The following DGKZ variants were observed in gnomAD, a reference collection of about 807,000 sequenced individuals.
The protein encoded by DGKZ is diacylglycerol kinase zeta, also known as DAG kinase zeta.
DGKZ carries 45 observed loss-of-function variants against 142.5 expected under a neutral mutation model. The observed-to-expected ratio is 0.32, with a 90% CI of 0.25 to 0.40. DGKZ has a LOEUF of 0.40. DGKZ is among the 10% of genes least tolerant of loss of function. DGKZ has a pLI of 1.00. For synonymous variants in DGKZ, 442 were observed against 527.0 expected (o/e 0.84, Z 2.21); for missense variants, 755 against 1,306.5 (o/e 0.58, Z 6.51).
Position 46,379,467 on chromosome 11 carries a change from A to T in DGKZ, c.2587A>T (p.Ser863Cys), listed in dbSNP as rs1436435009. The T allele has an allele frequency of 6.2e-7, 1 of 1,608,548 alleles. No homozygotes were observed. Among genetic ancestry groups the T allele is most frequent in the African/African-American group, 1.3e-5 (1 of 74,834 alleles). Residue 863 changes from serine to cysteine, a missense_variant, in exon 30 of 31, where the codon AGC (serine) becomes TGC (cysteine). Ser to Cys is a moderately radical substitution (Grantham distance 112). Transcript: ENST00000527911. Reference sequence around the variant, plus strand: ...GTACACAGCCAGCCCCTGCTCCCCCAGCGGGGAGACCTGTTTGCACCAAGC... The same window carrying T: ...GTACACAGCCAGCCCCTGCTCCCCCTGCGGGGAGACCTGTTTGCACCAAGC...
chr11:46,352,488 C>T lies in DGKZ; in HGVS notation c.161+4668C>T, dbSNP rs539155766. 2.0e-5 allele frequency among the ~76,000 whole-genome samples: 3 copies of T among 152,348 alleles called. No individual in the cohort carries two copies. In the East Asian group the frequency reaches 5.8e-4, roughly 29 times the overall value. ...TGCCTCTAGCCTCCTGGCCCCACCC[C>T]TCCCGTCCCCTGAGGCCCAGGCCCA... On this transcript the variant is annotated intron_variant, in intron 1 of 30. Transcript: ENST00000527911.
chr11:46,371,457 C>T, intron 7 of DGKZ, 30 bp from the exon 8 acceptor site: 1 of 1,602,354 alleles, frequency 6.2e-7, no homozygotes, highest in Non-Finnish European at 8.5e-7. Context: ...GAACACGGTC[C>T]CGCTGAGCCC....
intron 30 of DGKZ, 41 bp from the exon 31 acceptor site, chr11:46,379,790 T>C: frequency 1.9e-6 from 3 of 1,562,378 alleles, no homozygotes; most frequent in Non-Finnish European, 2.6e-6. Context: ...GGGTTAGGCC[T>C]GCCTCTGGCC....
intron 14 of DGKZ, among the ~76,000 whole-genome samples, chr11:46,373,920 G>A (rs145205241): frequency 3.3e-4 from 50 of 152,390 alleles, no homozygotes; most frequent in Admixed American, 8.5e-4. Context: ...AGGAAGAAGT[G>A]TTAGGGGAGC....
rs1943423002 is a variant in DGKZ at position 46,367,325 on chromosome 11, G to A, written c.196G>A (p.Ala66Thr). ...CACCAAGTCGGGCCTCCAGCACCTG[G>A]CCCCCCCTCCGCCCACCCCTGGGGC... Residue 66 changes from alanine (A) to threonine (T), a missense_variant, in exon 2 of 31, where the codon GCC (alanine) becomes ACC (threonine). Ala to Thr is a moderately conservative substitution (Grantham distance 58). Coordinates refer to ENST00000527911, the Ensembl canonical transcript of DGKZ. This position sits in a 1 kb window ranked among gnomAD's most constrained non-coding sequence, Gnocchi z 4.1. 1 of 1,612,676 alleles carries A rather than the reference G, an allele frequency of 6.2e-7. No individual in the cohort carries two copies. The highest frequency in any genetic ancestry group is 8.5e-7 in the Non-Finnish European group (1 of 1,179,952).
exon 1 of DGKZ, chr11:46,333,162 C>T: frequency 1.0e-6 from 1 of 959,746 alleles, no homozygotes; most frequent in Non-Finnish European, 1.3e-6. Context: ...ACCTGCGGAA[C>T]CCGGCGCTCC....
intron 1 of DGKZ, chr11:46,366,199 T>C: frequency 2.0e-6 from 3 of 1,502,026 alleles, no homozygotes; most frequent in Non-Finnish European, 2.6e-6. Context: ...GGACAGACCG[T>C]GGCCTGATCC....
chr11:46,379,523 C>G lies in DGKZ; in HGVS notation c.2643C>G (p.His881Gln), dbSNP rs546302127. 75 of 1,611,698 alleles carry G rather than the reference C, an allele frequency of 4.7e-5. No individual in the cohort carries two copies. The South Asian group carries it at 7.6e-4, about 16-fold the overall frequency. The stretch of plus-strand genomic sequence containing the variant: ...CCCTGGGCCAGCGCACCATCTGCCA[C>G]TACATCGTGGAGGCCGGGGCCTCGC... The change falls in exon 30 of 31, where the codon CAC becomes CAG. Residue 881 changes from histidine to glutamine, a missense_variant. By Grantham distance (24) the His-to-Gln change is conservative. Coordinates refer to ENST00000527911, the Ensembl canonical transcript of DGKZ.
intron 1 of DGKZ, chr11:46,366,412 C>T (rs1245123994): frequency 6.5e-7 from 1 of 1,532,924 alleles, no homozygotes; most frequent in African/African-American, 1.4e-5. Context: ...GGCGCCGCTC[C>T]AGCGCCCAGC....
At chr11:46,336,140 T>C (rs1940001540) in intron 1 of DGKZ, among the ~76,000 whole-genome samples, 1 of 152,220 alleles carries the variant, frequency 6.6e-6, no homozygotes, top group Non-Finnish European at 1.5e-5. Context: ...TGGCTGCTTC[T>C]GACGTAAGTG....
Position 46,367,848 on chromosome 11 carries a change from TG to T in DGKZ, c.366+104del. On this transcript the variant is annotated intron_variant, in intron 3 of 30. Coordinates refer to ENST00000527911, the Ensembl canonical transcript of DGKZ. This position sits in a 1 kb window ranked among gnomAD's most constrained non-coding sequence, Gnocchi z 4.1. ...AGCCCGCTCCCTGGCACCCCTGCTGTGGGCCGCCCCAGGATGGTGAGGGGTG... is the reference window on the plus strand; with the variant it reads ...AGCCCGCTCCCTGGCACCCCTGCTGTGGCCGCCCCAGGATGGTGAGGGGTG... 1 of 1,540,846 alleles carries T rather than the reference TG, an allele frequency of 6.5e-7. No homozygotes were observed. Among genetic ancestry groups the T allele is most frequent in the Non-Finnish European group, 8.9e-7 (1 of 1,118,228 alleles).
chr11:46,338,415 G>C (rs775921435), intron 1 of DGKZ, among the ~76,000 whole-genome samples: 7 of 137,416 alleles, frequency 5.1e-5, no homozygotes, highest in African/African-American at 1.1e-4. Context: ...AGAATCGCTT[G>C]AACCCGGTAG....
chr11:46,369,056 A>G, intron 4 of DGKZ: 1 of 236,684 alleles, frequency 4.2e-6, no homozygotes, highest in South Asian at 4.7e-5. Flanking sequence ...AAAATCACAA[A>G]AATTAGCCAG....
chr11:46,344,603 G>A (rs1940453809), upstream of DGKZ, among the ~76,000 whole-genome samples: 1 of 151,758 alleles, frequency 6.6e-6, no homozygotes, highest in Non-Finnish European at 1.5e-5. Flanking sequence ...ACAGGCACCT[G>A]CCACCACGCC....
At chr11:46,358,404 C>A (rs1325460303) in intron 1 of DGKZ, among the ~76,000 whole-genome samples, 1 of 152,060 alleles carries the variant, frequency 6.6e-6, no homozygotes, top group Non-Finnish European at 1.5e-5. Flanking sequence ...GTAAGCTGTA[C>A]TAGATGCTTT....
At chr11:46,376,975 G>A (rs879471514) in intron 24 of DGKZ, 98 bp from the exon 25 acceptor site, 1 of 1,110,762 alleles carries the variant, frequency 9.0e-7, no homozygotes, top group Non-Finnish European at 1.3e-6. Context: ...TTCAGTGTTT[G>A]TGCTCATGGC....
intron 1 of DGKZ, chr11:46,366,387 C>A (rs754756470): frequency 2.0e-6 from 3 of 1,526,074 alleles, no homozygotes; most frequent in Non-Finnish European, 2.6e-6. Flanking sequence ...CAGGCCTCCT[C>A]CTCACTGGCA....
At position 46,367,952 on chromosome 11, in the gene DGKZ, C is replaced by CGA; in HGVS notation, c.367-47_367-46dup. The stretch of plus-strand genomic sequence containing the variant: ...CAGCTGTGCTGGGGCAGGCAGCCTC[C>CGA]GAGATAGACTTACCTGGTGCCTCAG... On this transcript the variant is annotated intron_variant, in intron 3 of 30. Coordinates refer to ENST00000527911, the Ensembl canonical transcript of DGKZ. This position sits in a 1 kb window ranked among gnomAD's most constrained non-coding sequence, Gnocchi z 4.1. The CGA allele has an allele frequency of 6.2e-7, 1 of 1,603,516 alleles. No individual in the cohort carries two copies. Among genetic ancestry groups the CGA allele is most frequent in the Non-Finnish European group, 8.5e-7 (1 of 1,170,802 alleles).
At position 46,365,129 on chromosome 11, in the gene DGKZ, G is replaced by A. The variant is rs905564675; in HGVS notation, c.162-2162G>A. The A allele has an allele frequency of 1.1e-5, 11 of 985,314 alleles. No homozygotes were observed. In the South Asian group the frequency reaches 3.3e-4, roughly 29 times the overall value. The allele number at this position is 985,314 out of a possible 1,614,324, so 61.0% of individuals were successfully genotyped here. On this transcript the variant is annotated intron_variant, in intron 1 of 30. Coordinates refer to ENST00000527911, the Ensembl canonical transcript of DGKZ. The stretch of plus-strand genomic sequence containing the variant: ...AGCTGGCAGAGGGAGCAAAGCATGA[G>A]TTCAGGATGGGTCCATGGAGGCCAG...
Sources: gnomAD v4.1 joint callset for allele counts (sites outside exome capture counted in the v4.1 genomes callset) on GRCh38, gnomAD v4.1.1 for gene constraint, Gnocchi (gnomAD v3.1) non-coding constraint, MANE v1.5 for transcripts, NCBI Gene and HGNC (gene_info 2026-07-23, HGNC 2026-07-21) for gene names.